CDK12: variants seen among roughly 807,000 people sequenced by gnomAD.
CDK12 encodes cyclin-dependent kinase 12.
A neutral mutation model predicts 133.8 loss-of-function variants in CDK12; 17 were observed. The ratio of observed to expected loss-of-function variants is 0.13; its 90% CI spans 0.09 to 0.19. CDK12 has a LOEUF of 0.19. Among genes scored for constraint, CDK12 ranks in the 10% least tolerant of loss-of-function variants. CDK12 has a pLI of 1.00. For missense variants in CDK12, 1,508 were observed against 1,818.7 expected, an observed-to-expected ratio of 0.83 and a Z score of 3.11; for synonymous variants, 694 against 683.6, an observed-to-expected ratio of 1.02 and a Z score of -0.24.
rs1385553796 is a variant in CDK12 at position 39,559,349 on chromosome 17, A to C, written n.484+2936A>C. ...GATTTCTCTAGTTTTACGTGTTCTC[A>C]TATGTATATATATTAAGTACTATAC... On this transcript the variant is annotated intron_variant and non_coding_transcript_variant, in intron 3 of 3. Coordinates refer to the CDK12 transcript ENST00000558240. Among the ~76,000 whole-genome samples the C allele has an allele frequency of 2.0e-5, 3 of 152,194 alleles. No individual in the cohort carries two copies. In the East Asian group the frequency reaches 5.8e-4, roughly 29 times the overall value.
intron 2 of CDK12, among the ~76,000 whole-genome samples, chr17:39,485,408 C>CTT (rs35318849): frequency 0.014 from 992 of 69,848 alleles, 18 homozygotes; most frequent in African/African-American, 0.05. Context: ...CATCCCCCCC[C>CTT]TTTTTTTTTT....
chr17:39,505,545 A>G lies in CDK12; in HGVS notation c.2609+4106A>G, dbSNP rs1296511413. Among the ~76,000 whole-genome samples, 3 of 141,066 alleles carry G rather than the reference A, an allele frequency of 2.1e-5. No homozygotes were observed. The East Asian group carries it at 6.4e-4, about 30-fold the overall frequency. 92.5% of individuals were successfully genotyped at this position (141,066 alleles called of 152,430 possible). A position where few individuals can be genotyped will look rare whatever the true frequency, so the allele number is the denominator to read the frequency against. On this transcript the variant is annotated intron_variant, in intron 6 of 13. Transcript: ENST00000447079. ...TCTCAAAAAAAAAAAAAAAAAAAAG[A>G]TTTGGGAAAGAACCAAAATAATTTA...
rs369044657 is a variant in CDK12, at chr17:39,531,246, A to G, written c.4403A>G (p.Tyr1468Cys). Reference sequence around the variant, plus strand: ...GGGGGCCCAACTCAGTCTTCTGCTTATGGAAAACTCTATCGGGGGCCTACA... The same window carrying G: ...GGGGGCCCAACTCAGTCTTCTGCTTGTGGAAAACTCTATCGGGGGCCTACA... Reference protein sequence around the residue: ...HWGGPTQSSAYGKLYRGPTRV... With the variant: ...HWGGPTQSSACGKLYRGPTRV... Residue 1468 changes from tyrosine to cysteine, a missense_variant, in exon 14 of 14, where the codon TAT (tyrosine) becomes TGT (cysteine). This residue lies in a region of CDK12 where 114 missense variants were observed against 101.2 expected (regional missense o/e 1.13). Transcript: ENST00000447079. 3 of 1,513,194 alleles carry G rather than the reference A, an allele frequency of 2.0e-6. No individual in the cohort carries two copies. The highest frequency in any genetic ancestry group is 2.6e-6 in the Non-Finnish European group (3 of 1,133,542). 93.7% of individuals were successfully genotyped at this position (1,513,194 alleles called of 1,614,324 possible).
intron 13 of CDK12, among the ~76,000 whole-genome samples, chr17:39,526,638 T>G (rs753160418): frequency 1.3e-5 from 2 of 152,188 alleles, no homozygotes; most frequent in Non-Finnish European, 2.9e-5. Flanking sequence ...TTGAACTGTG[T>G]GTGGTGGCCA....
At position 39,462,869 on chromosome 17, in the gene CDK12, T is replaced by C. The variant is rs1358360071; in HGVS notation, c.798T>C (p.Pro266=). The C allele has an allele frequency of 6.2e-7, 1 of 1,614,040 alleles. No individual in the cohort carries two copies. Among genetic ancestry groups the C allele is most frequent in the Non-Finnish European group, 8.5e-7 (1 of 1,180,022 alleles). The change falls in exon 1 of 14, where the codon CCT becomes CCC. Residue 266 remains proline (P), a synonymous_variant. Coordinates refer to ENST00000447079, the MANE Select transcript of CDK12 (RefSeq NM_016507.4). ...SSNYDSYKKS[P]GSTSRRQSVS... Reference sequence around the variant, plus strand: ...ATTATGACTCCTACAAGAAAAGTCCTGGAAGTACCTCGAGAAGGCAGTCGG... The same window carrying C: ...ATTATGACTCCTACAAGAAAAGTCCCGGAAGTACCTCGAGAAGGCAGTCGG...
chr17:39,489,506 A>AT (rs113848178), intron 2 of CDK12, among the ~76,000 whole-genome samples: 2,613 of 132,992 alleles, frequency 0.02, 61 homozygotes, highest in African/African-American at 0.057. Context: ...GCCTGTTCTA[A>AT]TTTTTTTTTT....
chr17:39,555,425 T>A (rs1014169895), intron 2 of CDK12, among the ~76,000 whole-genome samples: 3 of 151,798 alleles, frequency 2.0e-5, no homozygotes, highest in African/African-American at 7.3e-5. Context: ...GCCCACTTGC[T>A]CTTGGTGGTC....
chr17:39,475,547 A>ATT (rs1039865528), intron 2 of CDK12, among the ~76,000 whole-genome samples: 25 of 139,808 alleles, frequency 1.8e-4, no homozygotes, highest in Non-Finnish European at 1.7e-4. Flanking sequence ...AGAACCTGAA[A>ATT]TTTTTTTTTT....
intron 8 of CDK12, among the ~76,000 whole-genome samples, chr17:39,514,236 A>G (rs954503391): frequency 6.6e-6 from 1 of 152,070 alleles, no homozygotes; most frequent in Non-Finnish European, 1.5e-5. Flanking sequence ...ATAGGGTTTG[A>G]GAGAATATAG....
In CDK12 at chr17:39,563,807, G is replaced by T. The variant is rs144876265; in HGVS notation, n.485-953G>T. 2.6e-3 allele frequency among the ~76,000 whole-genome samples: 388 copies of T among 150,140 alleles called. 1 individual carries two copies. The highest frequency in any genetic ancestry group is 6.8e-3 in the Middle Eastern group (2 of 292). ...TGAGAGTGAGGAAGGGGGGAGAGAA[G>T]GGGGAAAAACCAGCAGCTGTCGGCC... On this transcript the variant is annotated intron_variant and non_coding_transcript_variant, in intron 3 of 3. Coordinates refer to the CDK12 transcript ENST00000558240.
downstream of CDK12, chr17:39,567,538 G>A (rs1289740621): frequency 6.6e-6 from 1 of 152,214 alleles, no homozygotes; most frequent in African/African-American, 2.4e-5. Context: ...TTCAATGAAT[G>A]AATAAATGAC....
intron 2 of CDK12, among the ~76,000 whole-genome samples, chr17:39,488,913 C>T (rs895719891): frequency 6.6e-6 from 1 of 151,900 alleles, no homozygotes; most frequent in Non-Finnish European, 1.5e-5. Context: ...GAAACACACA[C>T]TTATACCACC....
At chr17:39,541,362 CTTTTTTTTTT>C (rs201866427) in intron 1 of CDK12, among the ~76,000 whole-genome samples, 2 of 137,186 alleles carry the variant, frequency 1.5e-5, no homozygotes, top group Non-Finnish European at 3.0e-5. Context: ...GAGTTTGGCT[CTTTTTTTTTT>C]TTTTTTTTTT....
rs2145210009 is a variant in CDK12, at chr17:39,471,665, T to C, written c.1833T>C (p.Thr611=). The change falls in exon 2 of 14, where the codon ACT becomes ACC. Residue 611 remains threonine (T), a synonymous_variant. Coordinates refer to ENST00000447079, the MANE Select transcript of CDK12 (RefSeq NM_016507.4). ...SQPPVQVSVK[T]QVSVTAAIPH... The stretch of plus-strand genomic sequence containing the variant: ...CCCCTGTACAGGTTTCTGTGAAGAC[T>C]CAAGTATCTGTAACAGCTGCTATTC... The C allele has an allele frequency of 1.9e-6, 3 of 1,614,058 alleles. No individual in the cohort carries two copies. The highest frequency in any genetic ancestry group is 2.5e-6 in the Non-Finnish European group (3 of 1,179,952).
intron 1 of CDK12, among the ~76,000 whole-genome samples, chr17:39,467,489 T>A (rs1250191306): frequency 2.0e-5 from 3 of 152,208 alleles, no homozygotes; most frequent in Non-Finnish European, 2.9e-5. Context: ...CGCTTTTTTC[T>A]AGAAGAGTGA....
At chr17:39,494,051 A>G (rs11868029) in intron 4 of CDK12, among the ~76,000 whole-genome samples, 103,940 of 152,026 alleles carry the variant, frequency 0.68, 36,433 homozygotes, top group South Asian at 0.89. Context: ...AGGGAATATA[A>G]AATTTCCTTT....
intron 2 of CDK12, among the ~76,000 whole-genome samples, chr17:39,489,892 A>G (rs1398939703): frequency 6.7e-6 from 1 of 149,000 alleles, no homozygotes; most frequent in East Asian, 2.0e-4. Context: ...CTCTTGCCTC[A>G]GCCTCCCAAA....
chr17:39,543,301 T>C (rs1202477814), upstream of CDK12, among the ~76,000 whole-genome samples: 1 of 152,194 alleles, frequency 6.6e-6, no homozygotes, highest in African/African-American at 2.4e-5. Context: ...CTAAATACCC[T>C]AAATAGTGTG....
Position 39,517,288 on chromosome 17 carries a change from G to A in CDK12, c.2847-152G>A, listed in dbSNP as rs527664386. 6.4e-6 allele frequency: 4 copies of A among 625,156 alleles called. No individual in the cohort carries two copies. The East Asian group carries it at 1.0e-4, about 16-fold the overall frequency. 38.7% of individuals were successfully genotyped at this position (625,156 alleles called of 1,614,324 possible). ...TCTCTGCCTTTCTGCCCTTAAAGCAGTAATGTCATATTTTCCTTTCTGCAT... is the reference window on the plus strand; with the variant it reads ...TCTCTGCCTTTCTGCCCTTAAAGCAATAATGTCATATTTTCCTTTCTGCAT... On this transcript the variant is annotated intron_variant, in intron 9 of 13. Transcript: ENST00000447079.
Sources: gnomAD v4.1 joint callset for allele counts (sites outside exome capture counted in the v4.1 genomes callset) on GRCh38, gnomAD v4.1.1 for gene constraint, gnomAD v4.1.1 regional missense constraint, MANE v1.5 for transcripts, NCBI Gene and HGNC (gene_info 2026-07-23, HGNC 2026-07-21) for gene names.